Variants in RASA2 observed in about 807,000 individuals in gnomAD.
RASA2 encodes RAS p21 protein activator 2, also known as ras GTPase-activating protein 2.
A neutral mutation model predicts 118.2 loss-of-function variants in RASA2; 155 were observed. That is an observed-to-expected ratio of 1.31 (90% confidence interval 1.15 to 1.50). RASA2 has a LOEUF of 1.50. RASA2 is among the 40% of genes most tolerant of loss of function. The pLI is 0.00. For missense variants in RASA2, 1,016 were observed against 1,009.6 expected (o/e 1.01, Z -0.09); for synonymous variants, 353 against 349.1 (o/e 1.01, Z -0.12).
intron 9 of RASA2, among the ~76,000 whole-genome samples, chr3:141,567,786 T>C (rs1451880126): frequency 2.0e-5 from 3 of 152,178 alleles, no homozygotes; most frequent in Admixed American, 2.0e-4. Context: ...GCTATAAATT[T>C]GCCGTGCCTA....
At position 141,608,827 on chromosome 3, in the gene RASA2, T is replaced by C. The variant is rs2083590368; in HGVS notation, c.2225+130T>C. The stretch of plus-strand genomic sequence containing the variant: ...ACAACAAGGATGGGACCTTGAAAAA[T>C]TATGCTAAGTGAAAGAAGTCAATCA... On this transcript the variant is annotated intron_variant, in intron 21 of 23. Transcript: ENST00000286364. 4 of 1,002,516 alleles carry C rather than the reference T, an allele frequency of 4.0e-6. No homozygotes were observed. In the Admixed American group the frequency reaches 7.8e-5, roughly 20 times the overall value. 62.1% of individuals were successfully genotyped at this position (1,002,516 alleles called of 1,614,324 possible). A position where few individuals can be genotyped will look rare whatever the true frequency, so the allele number is the denominator to read the frequency against.
At chr3:141,566,941 G>A (rs12695741) in intron 9 of RASA2, among the ~76,000 whole-genome samples, 38,249 of 151,908 alleles carry the variant, frequency 0.25, 5,410 homozygotes, top group Non-Finnish European at 0.32. Flanking sequence ...CCTATCTACT[G>A]AAAATAAAAT....
At chr3:141,495,376 G>T (rs1223228171) in intron 1 of RASA2, among the ~76,000 whole-genome samples, 3 of 152,024 alleles carry the variant, frequency 2.0e-5, no homozygotes, top group Non-Finnish European at 4.4e-5. Context: ...TATTTATTAT[G>T]TCCAGATTAT....
intron 9 of RASA2, among the ~76,000 whole-genome samples, chr3:141,561,827 C>T (rs2082733408): frequency 6.6e-6 from 1 of 152,108 alleles, no homozygotes; most frequent in Non-Finnish European, 1.5e-5. Context: ...AAATGAATTA[C>T]TGGGTTTTTC....
At chr3:141,568,804 A>C (rs1413248919) in intron 9 of RASA2, among the ~76,000 whole-genome samples, 1 of 152,102 alleles carries the variant, frequency 6.6e-6, no homozygotes, top group African/African-American at 2.4e-5. Context: ...TTTAATTTGG[A>C]GTTATTTCTG....
chr3:141,571,558 A>T lies in RASA2; in HGVS notation c.1169+4A>T, dbSNP rs2082920814. 1.9e-6 allele frequency: 3 copies of T among 1,592,264 alleles called. No individual in the cohort carries two copies. The Admixed American group carries it at 5.5e-5, about 29-fold the overall frequency. On this transcript the variant is annotated splice_donor_region_variant and intron_variant, in intron 11 of 23. Coordinates refer to ENST00000286364, the MANE Select transcript of RASA2 (RefSeq NM_006506.5). Reference sequence around the variant, plus strand: ...AATTAGACTTGAAGGATACACAGTAAGAGTTATATTTTATTAAATGTTAAT... The same window carrying T: ...AATTAGACTTGAAGGATACACAGTATGAGTTATATTTTATTAAATGTTAAT...
intron 12 of RASA2, 119 bp from the exon 13 acceptor site, chr3:141,573,028 T>C: frequency 1.1e-6 from 1 of 904,846 alleles, no homozygotes; most frequent in Non-Finnish European, 1.6e-6. Context: ...CATAGGACAT[T>C]TTACGCTTTG....
chr3:141,585,969 A>G, intron 17 of RASA2, 56 bp from the exon 18 acceptor site: 1 of 1,417,106 alleles, frequency 7.1e-7, no homozygotes, highest in Non-Finnish European at 9.7e-7. Flanking sequence ...GATAAACTGA[A>G]TTTTTTATAA....
Position 141,487,184 on chromosome 3 carries a change from T to C in RASA2, c.101T>C (p.Val34Ala). Reference sequence around the variant, plus strand: ...GCCGGGGACCAGGACAGTCGCGAGGTTCGAGTGTTGCAGAGCCTGCGGGGC... The same window carrying C: ...GCCGGGGACCAGGACAGTCGCGAGGCTCGAGTGTTGCAGAGCCTGCGGGGC... ...PEAGDQDSREVRVLQSLRGKI... is the reference protein window; with the variant it reads ...PEAGDQDSREARVLQSLRGKI... The change falls in exon 1 of 24, where the codon GTT (valine) becomes GCT (alanine). Residue 34 changes from valine to alanine, a missense_variant. Coordinates refer to ENST00000286364, the MANE Select transcript of RASA2 (RefSeq NM_006506.5). 1 of 1,460,504 alleles carries C rather than the reference T, an allele frequency of 6.8e-7. No homozygotes were observed. The highest frequency in any genetic ancestry group is 1.5e-5 in the African/African-American group (1 of 68,074). 90.5% of individuals were successfully genotyped at this position (1,460,504 alleles called of 1,614,324 possible). A position where few individuals can be genotyped will look rare whatever the true frequency, so the allele number is the denominator to read the frequency against.
intron 19 of RASA2, among the ~76,000 whole-genome samples, chr3:141,606,442 A>G (rs1042802272): frequency 3.3e-5 from 5 of 152,104 alleles, no homozygotes; most frequent in African/African-American, 1.2e-4. Flanking sequence ...GTTTATTTTC[A>G]TTGTAGCATT....
chr3:141,554,323 A>G (rs2082617886), intron 6 of RASA2, among the ~76,000 whole-genome samples: 1 of 152,206 alleles, frequency 6.6e-6, no homozygotes, highest in Non-Finnish European at 1.5e-5. Context: ...ATAACAAGAC[A>G]ATTTATATAT....
intron 1 of RASA2, among the ~76,000 whole-genome samples, chr3:141,489,953 T>C (rs79782726): frequency 6.6e-6 from 1 of 150,454 alleles, no homozygotes; most frequent in African/African-American, 2.4e-5. Context: ...ACCCCTTTTT[T>C]GCTTGAGTGT....
chr3:141,512,084 G>T, intron 1 of RASA2, 79 bp from the exon 2 acceptor site: 3 of 892,534 alleles, frequency 3.4e-6, no homozygotes, highest in South Asian at 1.5e-5. Flanking sequence ...TGTTCTTTCA[G>T]ATTGAAGTCA....
At chr3:141,598,805 C>G (rs949889844) in intron 19 of RASA2, among the ~76,000 whole-genome samples, 4 of 152,068 alleles carry the variant, frequency 2.6e-5, no homozygotes, top group African/African-American at 9.7e-5. Context: ...CCAAAGAAGG[C>G]TGGGCACGGT....
Position 141,602,008 on chromosome 3 carries a change from A to G in RASA2, c.1934-5670A>G, listed in dbSNP as rs78458335. ...CTTTAGATTTTTCTGTTGAGAGCCT[A>G]TATATGTTCAGTTGCTATTAGTATA... is the stretch of plus-strand genomic sequence containing the variant. On this transcript the variant is annotated intron_variant, in intron 19 of 23. Coordinates refer to ENST00000286364, the MANE Select transcript of RASA2 (RefSeq NM_006506.5). 6.4e-3 allele frequency among the ~76,000 whole-genome samples: 972 copies of G among 152,296 alleles called. 13 individuals are homozygous for G. The highest frequency in any genetic ancestry group is 0.022 in the African/African-American group (934 of 41,560).
chr3:141,560,034 T>C (rs1347694114), intron 9 of RASA2, 39 bp downstream of exon 9: 1 of 1,495,048 alleles, frequency 6.7e-7, no homozygotes, highest in East Asian at 2.3e-5. Context: ...ATAGTTTAAT[T>C]CTCTTTAGTA....
At chr3:141,502,237 A>G (rs2081794472) in intron 1 of RASA2, among the ~76,000 whole-genome samples, 1 of 152,164 alleles carries the variant, frequency 6.6e-6, no homozygotes, top group Non-Finnish European at 1.5e-5. Context: ...GTTAATGCCA[A>G]ATTCTGTGGA....
intron 5 of RASA2, among the ~76,000 whole-genome samples, chr3:141,542,396 G>C (rs965677253): frequency 1.3e-5 from 2 of 151,986 alleles, no homozygotes; most frequent in African/African-American, 2.4e-5. Flanking sequence ...CCATAATTTG[G>C]TAGATACTGT....
intron 15 of RASA2, chr3:141,578,606 A>C (rs1488067496): frequency 2.0e-5 from 3 of 152,244 alleles, no homozygotes; most frequent in Admixed American, 2.0e-4. Context: ...ATGGTCTGTG[A>C]GTAGCCCCAG....
Sources: allele counts gnomAD v4.1 joint callset (sites outside exome capture counted in the v4.1 genomes callset), GRCh38; gene constraint gnomAD v4.1.1; transcripts MANE v1.5; gene names NCBI Gene and HGNC (gene_info 2026-07-23, HGNC 2026-07-21).